The following FBXO11 variants were observed in gnomAD, a reference collection of about 807,000 sequenced individuals.
FBXO11 encodes the protein F-box protein 11, also known as F-box only protein 11.
In FBXO11, 13 loss-of-function variants were observed where a neutral mutation model predicts 117.0. The ratio of observed to expected loss-of-function variants is 0.11; its 90% CI spans 0.07 to 0.18. FBXO11 has a LOEUF of 0.18. Ranked by LOEUF, FBXO11 falls within the 10% of genes least tolerant of loss-of-function variation. FBXO11 has a pLI of 1.00. For synonymous variants in FBXO11, 490 were observed against 380.5 expected (o/e 1.29, Z -3.35); for missense variants, 767 against 1,164.4 (o/e 0.66, Z 4.97).
intron 1 of FBXO11, among the ~76,000 whole-genome samples, chr2:47,851,036 C>T (rs975434452): frequency 6.6e-6 from 1 of 152,066 alleles, no homozygotes; most frequent in African/African-American, 2.4e-5. Flanking sequence ...TACTTAAGTT[C>T]AATCCAAGTT....
intron 1 of FBXO11, among the ~76,000 whole-genome samples, chr2:47,890,237 G>C (rs1242377692): frequency 7.2e-5 from 11 of 152,116 alleles, no homozygotes; most frequent in Non-Finnish European, 1.5e-4. Flanking sequence ...AAAATGCTAG[G>C]ACTGCAGGCA....
At chr2:47,897,195 T>G (rs1677734493) in intron 1 of FBXO11, among the ~76,000 whole-genome samples, 1 of 152,234 alleles carries the variant, frequency 6.6e-6, no homozygotes, top group South Asian at 2.1e-4. Flanking sequence ...AAGCCACATG[T>G]TCTTATATAC....
At chr2:47,878,959 C>G (rs1036456908) in intron 1 of FBXO11, among the ~76,000 whole-genome samples, 9 of 145,132 alleles carry the variant, frequency 6.2e-5, no homozygotes, top group African/African-American at 2.1e-4. Flanking sequence ...AAGCGAAACT[C>G]TGTCTCAAAA....
intron 1 of FBXO11, among the ~76,000 whole-genome samples, chr2:47,846,690 A>C (rs1673436019): frequency 6.6e-6 from 1 of 152,184 alleles, no homozygotes; most frequent in Non-Finnish European, 1.5e-5. Flanking sequence ...GCTGCATTAA[A>C]AAATAAAACA....
chr2:47,902,128 G>A (rs1678344280), intron 1 of FBXO11, among the ~76,000 whole-genome samples: 1 of 152,122 alleles, frequency 6.6e-6, no homozygotes, highest in Admixed American at 6.5e-5. Context: ...TTAAGACGAG[G>A]TTTCACTACG....
At chr2:47,881,149 G>A (rs937957507) in intron 1 of FBXO11, among the ~76,000 whole-genome samples, 2 of 152,236 alleles carry the variant, frequency 1.3e-5, no homozygotes, top group African/African-American at 2.4e-5. Context: ...TTACTTGGGA[G>A]GCTGACGCAG....
At chr2:47,831,347 G>GGA (rs1021483373) in intron 11 of FBXO11, among the ~76,000 whole-genome samples, 2 of 150,726 alleles carry the variant, frequency 1.3e-5, no homozygotes, top group African/African-American at 4.9e-5. Context: ...ACCAGGAGGT[G>GGA]GAGGTTGCAG....
intron 1 of FBXO11, among the ~76,000 whole-genome samples, chr2:47,862,897 G>C (rs1304481265): frequency 1.3e-5 from 2 of 151,246 alleles, no homozygotes; most frequent in Non-Finnish European, 3.0e-5. Flanking sequence ...TCTACTAAAA[G>C]TACAAAAATT....
intron 1 of FBXO11, among the ~76,000 whole-genome samples, chr2:47,863,210 T>C (rs957601120): frequency 1.3e-5 from 2 of 152,156 alleles, no homozygotes; most frequent in South Asian, 2.1e-4. Flanking sequence ...GCTCAACATA[T>C]AGTAGTCTCA....
intron 1 of FBXO11, among the ~76,000 whole-genome samples, chr2:47,877,322 A>G (rs1676078936): frequency 6.6e-6 from 1 of 152,066 alleles, no homozygotes; most frequent in African/African-American, 2.4e-5. Flanking sequence ...AAATTGTTCT[A>G]TTATTTACAC....
At chr2:47,884,274 C>T (rs1035545058) in intron 1 of FBXO11, among the ~76,000 whole-genome samples, 2 of 152,148 alleles carry the variant, frequency 1.3e-5, no homozygotes, top group Admixed American at 6.5e-5. Context: ...GGTTCCTGTA[C>T]ATGTGGCTCT....
intron 1 of FBXO11, among the ~76,000 whole-genome samples, chr2:47,864,975 C>A (rs1262880258): frequency 2.6e-5 from 4 of 152,160 alleles, no homozygotes; most frequent in African/African-American, 9.7e-5. Context: ...AAACAAAACA[C>A]CTGGGCGCTT....
intron 11 of FBXO11, among the ~76,000 whole-genome samples, chr2:47,825,314 T>C (rs964870303): frequency 6.6e-6 from 1 of 152,134 alleles, no homozygotes; most frequent in African/African-American, 2.4e-5. Flanking sequence ...ATATAAAAGA[T>C]AGCGTCTTCA....
At chr2:47,905,461 G>C in intron 1 of FBXO11, 28 bp downstream of exon 1, 3 of 1,214,968 alleles carry the variant, frequency 2.5e-6, no homozygotes, top group Non-Finnish European at 3.1e-6. Flanking sequence ...CCGGGAAGGC[G>C]GGCGGTTGGG....
chr2:47,808,720 A>T, intron 21 of FBXO11: 1 of 340,194 alleles, frequency 2.9e-6, no homozygotes, highest in Non-Finnish European at 5.3e-6. Flanking sequence ...AGGCGTGAAG[A>T]GTCAAAACTG....
chr2:47,823,905 G>A lies in FBXO11; in HGVS notation c.1399-545C>T, dbSNP rs1053156859. 4.0e-5 allele frequency among the ~76,000 whole-genome samples: 6 copies of A among 151,816 alleles called. No individual in the cohort carries two copies. The South Asian group carries it at 1.0e-3, about 26-fold the overall frequency. ...TCTGTTGTCCAGGCTGGAGTACAGG[G>A]GCACAATCATAGCTCACGCAGCCTC... On this transcript the variant is annotated intron_variant, in intron 11 of 22. Transcript: ENST00000403359.
chr2:47,830,719 A>T (rs902164511), intron 11 of FBXO11, among the ~76,000 whole-genome samples: 54 of 152,194 alleles, frequency 3.5e-4, no homozygotes, highest in African/African-American at 1.3e-3. Flanking sequence ...AAATGGTATA[A>T]GGAGTGTGTG....
rs111575072 is a variant in FBXO11 at position 47,840,195 on chromosome 2, G to A, written c.233-426C>T. Among the ~76,000 whole-genome samples the A allele has an allele frequency of 3.4e-3, 518 of 151,882 alleles. 1 individual carries two copies. Among genetic ancestry groups the A allele is most frequent in the Middle Eastern group, 6.8e-3 (2 of 294 alleles). On this transcript the variant is annotated intron_variant, in intron 1 of 22. Transcript: ENST00000403359. ...CCTGACCTCGTGATCCACTCACCTCGGCCTCCCAAAGTGCTGGGATTACAG... is the reference window on the plus strand; with the variant it reads ...CCTGACCTCGTGATCCACTCACCTCAGCCTCCCAAAGTGCTGGGATTACAG...
intron 16 of FBXO11, 48 bp downstream of exon 16, chr2:47,818,731 A>C: frequency 7.4e-7 from 1 of 1,356,812 alleles, no homozygotes; most frequent in South Asian, 1.4e-5. Flanking sequence ...CACACCCCAC[A>C]TACTCCTAAC....
Sources: allele counts gnomAD v4.1 joint callset (sites outside exome capture counted in the v4.1 genomes callset), GRCh38; gene constraint gnomAD v4.1.1; transcripts MANE v1.5; gene names NCBI Gene and HGNC (gene_info 2026-07-23, HGNC 2026-07-21).